AOAH: variants seen among roughly 807,000 people sequenced by gnomAD.
The protein encoded by AOAH is acyloxyacyl hydrolase (neutrophil).
In AOAH, 64 loss-of-function variants were observed where a neutral mutation model predicts 92.2. The ratio of observed to expected loss-of-function variants is 0.69; its 90% CI spans 0.57 to 0.86. The LOEUF is 0.86. Among genes scored for constraint, AOAH ranks in the 40% least tolerant of loss-of-function variants. AOAH has a pLI of 0.00. For missense variants in AOAH, 656 were observed against 694.6 expected, an observed-to-expected ratio of 0.94 and a Z score of 0.62; for synonymous variants, 263 against 254.5, an observed-to-expected ratio of 1.03 and a Z score of -0.32.
At chr7:36,648,985 AAAGTT>A (rs550504322) in intron 4 of AOAH, among the ~76,000 whole-genome samples, 194 of 152,324 alleles carry the variant, frequency 1.3e-3, no homozygotes, top group Admixed American at 2.1e-3. Context: ...TTTTCTCTGT[AAAGTT>A]AAGATAATGG....
intron 8 of AOAH, 113 bp downstream of exon 8, chr7:36,621,597 A>C: frequency 9.8e-7 from 1 of 1,016,574 alleles, no homozygotes; most frequent in Non-Finnish European, 1.5e-6. Flanking sequence ...TCGGAACATG[A>C]AAATCTCTTC....
chr7:36,712,101 T>C (rs1272484495), intron 1 of AOAH, among the ~76,000 whole-genome samples: 1 of 152,198 alleles, frequency 6.6e-6, no homozygotes, highest in Non-Finnish European at 1.5e-5. Context: ...GAAATTTCTG[T>C]GTGTCTAAGT....
At chr7:36,637,512 T>C (rs1793601159) in intron 5 of AOAH, among the ~76,000 whole-genome samples, 1 of 151,820 alleles carries the variant, frequency 6.6e-6, no homozygotes, top group Non-Finnish European at 1.5e-5. Flanking sequence ...CATTGTTGGT[T>C]GTTGTGACTG....
chr7:36,571,831 C>A (rs1788169032), intron 13 of AOAH, among the ~76,000 whole-genome samples: 1 of 152,128 alleles, frequency 6.6e-6, no homozygotes. Flanking sequence ...TAACATATAG[C>A]TTTTGAATTT....
At chr7:36,665,230 G>A in intron 3 of AOAH, among the ~76,000 whole-genome samples, 1 of 152,098 alleles carries the variant, frequency 6.6e-6, no homozygotes, top group Non-Finnish European at 1.5e-5. Flanking sequence ...AAGTGTTGTA[G>A]TTTTCCTCAT....
At chr7:36,682,041 G>A (rs1208247968) in intron 2 of AOAH, among the ~76,000 whole-genome samples, 1 of 152,234 alleles carries the variant, frequency 6.6e-6, no homozygotes. Flanking sequence ...GACAGGTGTT[G>A]AGCAGAAAGC....
At chr7:36,653,238 T>A (rs1202975016) in intron 4 of AOAH, among the ~76,000 whole-genome samples, 2 of 152,138 alleles carry the variant, frequency 1.3e-5, no homozygotes, top group Non-Finnish European at 2.9e-5. Context: ...AGAATGAAAT[T>A]TAGTGATTAC....
At chr7:36,533,423 A>G (rs1784815360) in intron 16 of AOAH, among the ~76,000 whole-genome samples, 1 of 152,174 alleles carries the variant, frequency 6.6e-6, no homozygotes, top group Non-Finnish European at 1.5e-5. Context: ...TGTCAGAGAG[A>G]AAAAATTTAT....
At chr7:36,719,768 G>A (rs7350038) in intron 1 of AOAH, among the ~76,000 whole-genome samples, 52,709 of 151,594 alleles carry the variant, frequency 0.35, 9,989 homozygotes, top group East Asian at 0.52. Flanking sequence ...CTGTCTCCAC[G>A]AAAATAAAAA....
rs140264693 is a variant in AOAH at position 36,552,109 on chromosome 7, C to T, written c.1022-2634G>A. ...GGTTTGTTACATAGGTAAATATGTG[C>T]CATGGTGGTTTGCTGCACCTATCAA... On this transcript the variant is annotated intron_variant, in intron 13 of 20. Transcript: ENST00000617537. 5.3e-5 allele frequency among the ~76,000 whole-genome samples: 8 copies of T among 152,154 alleles called. No individual in the cohort carries two copies. In the East Asian group the frequency reaches 1.4e-3, roughly 26 times the overall value.
chr7:36,639,368 C>T (rs540484161), intron 4 of AOAH, among the ~76,000 whole-genome samples: 3 of 152,322 alleles, frequency 2.0e-5, no homozygotes, highest in African/African-American at 7.2e-5. Flanking sequence ...TGGTAGTCCT[C>T]TGCCTCAATC....
chr7:36,625,525 A>G (rs1309657074), intron 6 of AOAH, among the ~76,000 whole-genome samples: 1 of 152,144 alleles, frequency 6.6e-6, no homozygotes, highest in African/African-American at 2.4e-5. Flanking sequence ...TGCTGTCCGA[A>G]AGAGGAAATT....
Position 36,620,789 on chromosome 7 carries a change from C to T in AOAH, c.694G>A (p.Gly232Ser). 3 of 1,613,622 alleles carry T rather than the reference C, an allele frequency of 1.9e-6. No homozygotes were observed. The highest frequency in any genetic ancestry group is 2.5e-6 in the Non-Finnish European group (3 of 1,179,788). The change falls in exon 9 of 21, where the codon GGC (glycine) becomes AGC (serine). Residue 232 changes from glycine (G) to serine (S), a missense_variant. By Grantham distance (56) the Gly-to-Ser change is moderately conservative. Coordinates refer to ENST00000617537, the MANE Select transcript of AOAH (RefSeq NM_001637.4). ...WDVHQDSNCNGIWGVDPKDGV... is the reference protein window; with the variant it reads ...WDVHQDSNCNSIWGVDPKDGV... ...TGAATTTAGTTGCTTACCCAAATGC[C>T]ATTACAGTTTGAATCCTGATGGACA...
chr7:36,573,373 C>A (rs1210210538), intron 13 of AOAH, among the ~76,000 whole-genome samples: 2 of 152,200 alleles, frequency 1.3e-5, no homozygotes, highest in Non-Finnish European at 2.9e-5. Flanking sequence ...CTAACCCCTG[C>A]ACCAGAGAAT....
chr7:36,632,060 G>A lies in AOAH; in HGVS notation c.497C>T (p.Ala166Val), dbSNP rs1460406087. ...CAATTTAATTTTCTGGCAGATCTTG[G>A]CCAAAACCGGGAGTGAACAAATGTC... ...GSDICSLPVL[A>V]KICQKIKLAM... The change falls in exon 6 of 21, where the codon GCC (alanine) becomes GTC (valine). Residue 166 changes from alanine to valine, a missense_variant. By Grantham distance (64) the Ala-to-Val change is moderately conservative. Transcript: ENST00000617537. The A allele has an allele frequency of 6.2e-7, 1 of 1,612,680 alleles. No individual in the cohort carries two copies. The highest frequency in any genetic ancestry group is 1.7e-5 in the Admixed American group (1 of 59,898).
intron 9 of AOAH, among the ~76,000 whole-genome samples, chr7:36,620,140 T>C (rs948513010): frequency 2.0e-5 from 3 of 152,356 alleles, no homozygotes; most frequent in South Asian, 2.1e-4. Flanking sequence ...TTAAAAATTA[T>C]TCATTTTCCT....
chr7:36,595,772 C>A (rs1269269341), intron 11 of AOAH, among the ~76,000 whole-genome samples: 1 of 152,062 alleles, frequency 6.6e-6, no homozygotes, highest in Non-Finnish European at 1.5e-5. Flanking sequence ...TTTTTGCCTT[C>A]GCTGACTGGA....
At position 36,513,082 on chromosome 7, in the gene AOAH, G is replaced by A. The variant is rs946065888; in HGVS notation, c.*170C>T. 44 of 1,568,660 alleles carry A rather than the reference G, an allele frequency of 2.8e-5. No individual in the cohort carries two copies. Among genetic ancestry groups the A allele is most frequent in the Non-Finnish European group, 3.8e-5 (44 of 1,163,588 alleles). On this transcript the variant is annotated 3_prime_UTR_variant, in exon 21 of 21. Coordinates refer to ENST00000617537, the MANE Select transcript of AOAH (RefSeq NM_001637.4). ...ACTGATCCCGGGAGCACACAGCATT[G>A]CACAGTCGTCCAGATATGCTCTTCA...
chr7:36,592,981 T>C (rs1395075772), intron 12 of AOAH, among the ~76,000 whole-genome samples: 1 of 152,204 alleles, frequency 6.6e-6, no homozygotes, highest in African/African-American at 2.4e-5. Flanking sequence ...TGAGTACGCT[T>C]CCCTGAAGGT....
Sources: gnomAD v4.1 joint callset for allele counts (sites outside exome capture counted in the v4.1 genomes callset) on GRCh38, gnomAD v4.1.1 for gene constraint, MANE v1.5 for transcripts, NCBI Gene and HGNC (gene_info 2026-07-23, HGNC 2026-07-21) for gene names.